Variants in FAM107B observed in about 807,000 individuals in gnomAD.
FAM107B encodes the protein family with sequence similarity 107 member B.
Under a neutral mutation model 31.5 loss-of-function variants are expected in FAM107B, and 21 were observed. That is an observed-to-expected ratio of 0.67 (90% CI 0.47 to 0.96). FAM107B has a LOEUF of 0.96. Among genes scored for constraint, FAM107B ranks in the 40% least tolerant of loss-of-function variants. The pLI, the probability that FAM107B is intolerant of heterozygous loss-of-function variation, is 0.00. For synonymous variants in FAM107B, 157 were observed against 141.5 expected (o/e 1.11, Z -0.78); for missense variants, 452 against 377.1 (o/e 1.20, Z -1.64).
intron 1 of FAM107B, among the ~76,000 whole-genome samples, chr10:14,767,008 T>C (rs1833175925): frequency 2.0e-5 from 2 of 99,618 alleles, no homozygotes; most frequent in Non-Finnish European, 2.1e-5. Flanking sequence ...TGCAGAACAA[T>C]ATCCCTGATG....
chr10:14,611,972 T>G (rs1355446624), intron 2 of FAM107B, among the ~76,000 whole-genome samples: 1 of 152,132 alleles, frequency 6.6e-6, no homozygotes, highest in African/African-American at 2.4e-5. Flanking sequence ...TGTGTATGTG[T>G]GTGTATGTAT....
At chr10:14,704,742 G>A (rs1250043146) in intron 1 of FAM107B, among the ~76,000 whole-genome samples, 6 of 152,022 alleles carry the variant, frequency 3.9e-5, no homozygotes, top group Non-Finnish European at 5.9e-5. Context: ...TAGGCAAAAG[G>A]GCCAGGTGTG....
At chr10:14,636,419 T>G (rs1173068185) in intron 2 of FAM107B, among the ~76,000 whole-genome samples, 2 of 152,200 alleles carry the variant, frequency 1.3e-5, no homozygotes, top group Non-Finnish European at 2.9e-5. Flanking sequence ...TAACTCTTTT[T>G]GGGGGTAGAG....
At chr10:14,722,101 T>C (rs1404696744) in intron 1 of FAM107B, among the ~76,000 whole-genome samples, 1 of 152,244 alleles carries the variant, frequency 6.6e-6, no homozygotes, top group Non-Finnish European at 1.5e-5. Flanking sequence ...GATTTGTTAG[T>C]GTAGTCACAA....
chr10:14,767,098 A>AGAGAGAGAGG, intron 1 of FAM107B, among the ~76,000 whole-genome samples: 1 of 114,758 alleles, frequency 8.7e-6, no homozygotes, highest in South Asian at 2.8e-4. Context: ...AGAGAGAGAG[A>AGAGAGAGAGG]GACAGAGAGA....
chr10:14,535,981 C>CT (rs1847566595), intron 2 of FAM107B, among the ~76,000 whole-genome samples: 1 of 152,234 alleles, frequency 6.6e-6, no homozygotes. Context: ...CCAGGTACTT[C>CT]TGTTGACTGC....
chr10:14,728,046 C>T (rs1461403294), intron 1 of FAM107B, among the ~76,000 whole-genome samples: 1 of 152,136 alleles, frequency 6.6e-6, no homozygotes, highest in Non-Finnish European at 1.5e-5. Flanking sequence ...CCACCCTCCT[C>T]CCCCCATACA....
chr10:14,598,556 A>G (rs1028503175), intron 2 of FAM107B, among the ~76,000 whole-genome samples: 1 of 152,144 alleles, frequency 6.6e-6, no homozygotes, highest in Admixed American at 6.5e-5. Context: ...GTGGGGGAAA[A>G]TGGGGAGTTA....
chr10:14,567,205 G>C (rs1435302986), intron 2 of FAM107B, among the ~76,000 whole-genome samples: 2 of 152,094 alleles, frequency 1.3e-5, no homozygotes, highest in African/African-American at 4.8e-5. Flanking sequence ...GGGAGAGAAT[G>C]GTGGTGCAGA....
chr10:14,642,352 T>C (rs1271953490), intron 2 of FAM107B, among the ~76,000 whole-genome samples: 1 of 152,182 alleles, frequency 6.6e-6, no homozygotes, highest in South Asian at 2.1e-4. Context: ...CCTGCAAAGC[T>C]TCAGGTAGGG....
intron 2 of FAM107B, among the ~76,000 whole-genome samples, chr10:14,637,967 C>G (rs74437594): frequency 3.3e-5 from 5 of 152,144 alleles, no homozygotes; most frequent in Admixed American, 3.3e-4. Context: ...AACCTAGCCA[C>G]GCCATGCTTA....
chr10:14,773,651 A>ATTT (rs34402424), intron 1 of FAM107B, among the ~76,000 whole-genome samples: 2 of 151,980 alleles, frequency 1.3e-5, no homozygotes, highest in African/African-American at 2.4e-5. Flanking sequence ...CAGTGGCACC[A>ATTT]TTTTTTTTAA....
At chr10:14,607,665 G>A (rs1181851295) in intron 2 of FAM107B, among the ~76,000 whole-genome samples, 1 of 152,176 alleles carries the variant, frequency 6.6e-6, no homozygotes, top group Non-Finnish European at 1.5e-5. Flanking sequence ...AAAGTCAAGG[G>A]AACTAGTGGC....
At position 14,723,742 on chromosome 10, in the gene FAM107B, G is replaced by A; in HGVS notation, c.411+50511C>T. On this transcript the variant is annotated intron_variant, in intron 1 of 4. Transcript: ENST00000181796. ...CTGGATCTGGTTAGTGAAGGTTCCA[G>A]GGGTGAAGTGGCCAGCAATTAGAGT... The A allele has an allele frequency of 4.0e-6, 3 of 757,754 alleles. No individual in the cohort carries two copies. In the Admixed American group the frequency reaches 5.1e-5, roughly 13 times the overall value. 46.9% of individuals were successfully genotyped at this position (757,754 alleles called of 1,614,324 possible).
chr10:14,579,209 T>C (rs889071948), intron 2 of FAM107B, among the ~76,000 whole-genome samples: 3 of 152,216 alleles, frequency 2.0e-5, no homozygotes, highest in African/African-American at 7.2e-5. Flanking sequence ...TTTTTTTAAA[T>C]GTAAGCTTCT....
chr10:14,705,064 ACATTTCTCC>A (rs1855490063), intron 1 of FAM107B, among the ~76,000 whole-genome samples: 1 of 151,676 alleles, frequency 6.6e-6, no homozygotes. Flanking sequence ...ACTTGAATAA[ACATTTCTCC>A]AAAGAAGATA....
intron 1 of FAM107B, among the ~76,000 whole-genome samples, chr10:14,695,549 A>G (rs1855245970): frequency 6.6e-6 from 1 of 152,124 alleles, no homozygotes. Context: ...TTTGATAGGG[A>G]TTGCACTGAA....
chr10:14,656,271 C>A (rs1049889778), intron 2 of FAM107B, among the ~76,000 whole-genome samples: 1 of 152,028 alleles, frequency 6.6e-6, no homozygotes, highest in South Asian at 2.1e-4. Flanking sequence ...GGCATGGGGG[C>A]GATAAAGAGG....
chr10:14,590,549 G>A (rs1232053540), intron 2 of FAM107B, among the ~76,000 whole-genome samples: 4 of 152,178 alleles, frequency 2.6e-5, no homozygotes, highest in Non-Finnish European at 5.9e-5. Flanking sequence ...TGGTGCTGAT[G>A]GAGCATATGT....
Sources: gnomAD v4.1 joint callset for allele counts (sites outside exome capture counted in the v4.1 genomes callset) on GRCh38, gnomAD v4.1.1 for gene constraint, MANE v1.5 for transcripts, NCBI Gene and HGNC (gene_info 2026-07-23, HGNC 2026-07-21) for gene names.